Variants in SV2C observed in about 807,000 individuals in gnomAD.
The protein encoded by SV2C is solute carrier family 22 member B3.
In SV2C, 49 loss-of-function variants were observed where a neutral mutation model predicts 79.7. That is an observed-to-expected ratio of 0.61 (90% CI 0.49 to 0.78). The LOEUF (loss-of-function observed/expected upper bound fraction) is 0.78, where lower values mean the gene tolerates loss of function less well. Ranked by LOEUF, SV2C falls within the 30% of genes least tolerant of loss-of-function variation. The pLI is 0.00. For missense variants in SV2C, 833 were observed against 912.9 expected (o/e 0.91, Z 1.13); for synonymous variants, 334 against 333.2 (o/e 1.00, Z -0.03).
intron 2 of SV2C, among the ~76,000 whole-genome samples, chr5:76,139,863 T>TCAAAATAA (rs1749196430): frequency 1.6e-5 from 1 of 63,864 alleles, no homozygotes; most frequent in African/African-American, 3.9e-5. Context: ...AGTATTTTTT[T>TCAAAATAA]TTTTTTTTTT....
chr5:76,079,043 C>T (rs1036005644), upstream of SV2C: 9 of 410,168 alleles, frequency 2.2e-5, no homozygotes, highest in Non-Finnish European at 4.4e-5. Context: ...AGACATTGGT[C>T]CACCACCGAT....
At chr5:75,954,226 G>A in the SV2C span, among the ~76,000 whole-genome samples, 3 of 151,882 alleles carry the variant, frequency 2.0e-5, no homozygotes, top group Non-Finnish European at 4.4e-5. Context: ...TTAATTAAAA[G>A]GACTATGGAG....
At chr5:76,279,826 C>T (rs144717864) in intron 4 of SV2C, among the ~76,000 whole-genome samples, 317 of 152,124 alleles carry the variant, frequency 2.1e-3, no homozygotes, top group African/African-American at 7.3e-3. Context: ...TCAAGTAAAG[C>T]GAGAGAACAT....
At chr5:76,050,628 C>G in the SV2C span, among the ~76,000 whole-genome samples, 1 of 152,136 alleles carries the variant, frequency 6.6e-6, no homozygotes, top group Non-Finnish European at 1.5e-5. Flanking sequence ...GGATCTACCA[C>G]CTTAGTACTC....
At chr5:76,026,379 C>T in the SV2C span, among the ~76,000 whole-genome samples, 1 of 152,084 alleles carries the variant, frequency 6.6e-6, no homozygotes, top group Non-Finnish European at 1.5e-5. Flanking sequence ...TACTATTGAC[C>T]ATACAAATAA....
At chr5:76,345,154 T>C (rs1299369688) in intron 12 of SV2C, among the ~76,000 whole-genome samples, 2 of 152,174 alleles carry the variant, frequency 1.3e-5, no homozygotes, top group Admixed American at 6.5e-5. Context: ...AATGAATTCA[T>C]TGAAGGGTAA....
chr5:76,259,362 G>A (rs754373321), intron 4 of SV2C, among the ~76,000 whole-genome samples: 27 of 152,184 alleles, frequency 1.8e-4, no homozygotes, highest in Non-Finnish European at 3.2e-4. Context: ...GCCTGGGAAG[G>A]CATCTCACTG....
Position 76,131,703 on chromosome 5 carries a change from A to T in SV2C, c.-48A>T. On this transcript the variant is annotated 5_prime_UTR_variant, in exon 2 of 13. Coordinates refer to ENST00000502798, the MANE Select transcript of SV2C (RefSeq NM_014979.4). ...CTGTCAGAGCTGAACCACTGAAAGG[A>T]GGCTGTGAAAATTTCCCATCTTCTC... The T allele has an allele frequency of 6.6e-7, 1 of 1,513,980 alleles. No homozygotes were observed. The highest frequency in any genetic ancestry group is 8.9e-7 in the Non-Finnish European group (1 of 1,117,978). 93.8% of individuals were successfully genotyped at this position (1,513,980 alleles called of 1,614,324 possible).
chr5:76,143,429 G>A (rs1338181788), intron 2 of SV2C, among the ~76,000 whole-genome samples: 3 of 152,158 alleles, frequency 2.0e-5, no homozygotes, highest in Non-Finnish European at 4.4e-5. Context: ...CGGAGCCCTA[G>A]TAACAGGGAC....
chr5:76,048,768 T>G, the SV2C span, among the ~76,000 whole-genome samples: 1 of 145,832 alleles, frequency 6.9e-6, no homozygotes, highest in Admixed American at 7.0e-5. Context: ...AGGAGAAATC[T>G]CAAGAGAAAT....
chr5:75,958,351 G>A, the SV2C span, among the ~76,000 whole-genome samples: 1 of 151,890 alleles, frequency 6.6e-6, no homozygotes, highest in Non-Finnish European at 1.5e-5. Context: ...GGTGTTTCTG[G>A]ATGAAACCCT....
chr5:75,959,774 AAGGT>A, the SV2C span, among the ~76,000 whole-genome samples: 2 of 152,086 alleles, frequency 1.3e-5, no homozygotes, highest in East Asian at 3.9e-4. Context: ...TGTCAGTCCA[AAGGT>A]AGAAATACCT....
At chr5:75,952,237 TCTC>T in the SV2C span, among the ~76,000 whole-genome samples, 2 of 149,666 alleles carry the variant, frequency 1.3e-5, no homozygotes, top group Admixed American at 6.7e-5. Flanking sequence ...AATGTATTCT[TCTC>T]CTGCATTTTC....
At chr5:76,042,756 C>A in the SV2C span, among the ~76,000 whole-genome samples, 2 of 152,200 alleles carry the variant, frequency 1.3e-5, no homozygotes, top group African/African-American at 4.8e-5. Flanking sequence ...TTCCAGGTTT[C>A]AGTCTATCTC....
chr5:76,336,692 A>G (rs1414310392), downstream of SV2C, among the ~76,000 whole-genome samples: 3 of 152,166 alleles, frequency 2.0e-5, no homozygotes, highest in Non-Finnish European at 4.4e-5. Flanking sequence ...GGAGCTGGAG[A>G]CCAGCCCGGC....
At chr5:75,892,835 C>G in the SV2C span, among the ~76,000 whole-genome samples, 2 of 151,922 alleles carry the variant, frequency 1.3e-5, no homozygotes, top group African/African-American at 4.8e-5. Context: ...TCATGGACAC[C>G]TAGGTTGATT....
the SV2C span, among the ~76,000 whole-genome samples, chr5:75,917,856 T>C: frequency 6.6e-6 from 1 of 152,134 alleles, no homozygotes; most frequent in Non-Finnish European, 1.5e-5. Flanking sequence ...GATAAATGCT[T>C]GGGGAGACAG....
At chr5:76,271,503 C>T (rs1439172270) in intron 4 of SV2C, among the ~76,000 whole-genome samples, 4 of 151,948 alleles carry the variant, frequency 2.6e-5, no homozygotes, top group Admixed American at 2.6e-4. Flanking sequence ...CACCCAATAC[C>T]TGTAGGGTAC....
intron 12 of SV2C, among the ~76,000 whole-genome samples, chr5:76,341,138 C>G (rs773211474): frequency 5.3e-5 from 8 of 152,090 alleles, no homozygotes; most frequent in Non-Finnish European, 1.2e-4. Flanking sequence ...ACCATGTTGG[C>G]CAGGCTTGTC....
Sources: allele counts gnomAD v4.1 joint callset (sites outside exome capture counted in the v4.1 genomes callset), GRCh38; gene constraint gnomAD v4.1.1; transcripts MANE v1.5; gene names NCBI Gene and HGNC (gene_info 2026-07-23, HGNC 2026-07-21).